Variants in SAMD4A observed in about 807,000 individuals in gnomAD.
SAMD4A encodes the protein protein Smaug homolog 1.
In SAMD4A, 33 loss-of-function variants were observed where a neutral mutation model predicts 81.3. The observed-to-expected ratio is 0.41, with a 90% confidence interval of 0.31 to 0.54. The LOEUF is 0.54. SAMD4A is among the 20% of genes least tolerant of loss of function. The probability of loss-of-function intolerance (pLI) is 0.37; values close to 1 mark genes in which losing one functional copy is unlikely to be tolerated. For synonymous variants in SAMD4A, 389 were observed against 382.1 expected (o/e 1.02, Z -0.21); for missense variants, 854 against 951.1 (o/e 0.90, Z 1.34).
At chr14:54,773,777 T>C (rs2038766637) in intron 9 of SAMD4A, among the ~76,000 whole-genome samples, 1 of 152,200 alleles carries the variant, frequency 6.6e-6, no homozygotes, top group African/African-American at 2.4e-5. Flanking sequence ...GCCCCACAGG[T>C]GGCATCAGCT....
intron 2 of SAMD4A, among the ~76,000 whole-genome samples, chr14:54,640,258 T>C (rs2035143454): frequency 6.6e-6 from 1 of 152,222 alleles, no homozygotes; most frequent in Admixed American, 6.5e-5. Flanking sequence ...AGTTTCGTGC[T>C]ATGAGATTTT....
intron 3 of SAMD4A, chr14:54,735,025 T>G (rs916843800): frequency 6.6e-6 from 1 of 152,238 alleles, no homozygotes; most frequent in Non-Finnish European, 1.5e-5. Context: ...ATCCACCAGA[T>G]AGTCTGAAAC....
chr14:54,596,324 C>G (rs1210406770), intron 2 of SAMD4A, among the ~76,000 whole-genome samples: 1 of 152,188 alleles, frequency 6.6e-6, no homozygotes, highest in Non-Finnish European at 1.5e-5. Flanking sequence ...GTGGCTCATG[C>G]CTGTAATCCC....
In SAMD4A at chr14:54,573,811, C is replaced by T. The variant is rs564384957; in HGVS notation, c.196+5699C>T. 7.2e-5 allele frequency among the ~76,000 whole-genome samples: 11 copies of T among 152,278 alleles called. No individual in the cohort carries two copies. The South Asian group carries it at 1.5e-3, about 20-fold the overall frequency. On this transcript the variant is annotated intron_variant, in intron 2 of 12. Coordinates refer to ENST00000554335, the MANE Select transcript of SAMD4A (RefSeq NM_015589.6). ...AACTTTTAGAACAGGGGCCTAGAGT[C>T]GAGGCTTGGGCCTTGCTCTGCTGCC...
intron 4 of SAMD4A, among the ~76,000 whole-genome samples, chr14:54,740,331 T>G (rs1263824549): frequency 6.6e-6 from 1 of 152,228 alleles, no homozygotes; most frequent in African/African-American, 2.4e-5. Context: ...TACTTGCTGG[T>G]CCACTTTGGG....
At chr14:54,660,705 C>G (rs769607369) in intron 2 of SAMD4A, among the ~76,000 whole-genome samples, 14 of 152,192 alleles carry the variant, frequency 9.2e-5, no homozygotes, top group Non-Finnish European at 1.5e-4. Context: ...GAGAGACTGT[C>G]TAGAATCTGA....
chr14:54,598,503 T>C (rs1448840740), intron 2 of SAMD4A, among the ~76,000 whole-genome samples: 1 of 152,216 alleles, frequency 6.6e-6, no homozygotes, highest in South Asian at 2.1e-4. Flanking sequence ...AAGAATTTAG[T>C]TTTGTCCCAA....
intron 9 of SAMD4A, 61 bp downstream of exon 9, chr14:54,770,283 C>A: frequency 1.7e-6 from 2 of 1,165,198 alleles, no homozygotes; most frequent in Non-Finnish European, 2.5e-6. Flanking sequence ...TGTTGCCTAC[C>A]TCGGTTCCTG....
At chr14:54,679,778 G>A (rs1001517551) in intron 2 of SAMD4A, among the ~76,000 whole-genome samples, 1 of 152,150 alleles carries the variant, frequency 6.6e-6, no homozygotes, top group African/African-American at 2.4e-5. Context: ...CTGCAATTGG[G>A]AGACAACTCT....
intron 3 of SAMD4A, among the ~76,000 whole-genome samples, chr14:54,736,644 T>G (rs146910449): frequency 4.6e-5 from 7 of 152,354 alleles, no homozygotes; most frequent in Admixed American, 6.5e-5. Flanking sequence ...GCAACAAACT[T>G]GTCCAGTACA....
At chr14:54,713,048 G>A (rs79511923) in intron 3 of SAMD4A, among the ~76,000 whole-genome samples, 2,679 of 152,214 alleles carry the variant, frequency 0.018, 31 homozygotes, top group Non-Finnish European at 0.027. Context: ...TAGAGTCATA[G>A]ACTAACTATA....
intron 7 of SAMD4A, among the ~76,000 whole-genome samples, chr14:54,761,491 A>G (rs2038397311): frequency 6.6e-6 from 1 of 152,210 alleles, no homozygotes; most frequent in African/African-American, 2.4e-5. Context: ...CAGACTTTGT[A>G]TCTTTGAGTT....
At chr14:54,604,832 C>A (rs1049351515) in intron 2 of SAMD4A, among the ~76,000 whole-genome samples, 1 of 152,180 alleles carries the variant, frequency 6.6e-6, no homozygotes, top group African/African-American at 2.4e-5. Flanking sequence ...TGCCCCTGTG[C>A]CTACCACCCA....
At chr14:54,634,735 G>A (rs376199242) in intron 2 of SAMD4A, among the ~76,000 whole-genome samples, 4 of 139,178 alleles carry the variant, frequency 2.9e-5, no homozygotes, top group African/African-American at 9.1e-5. Flanking sequence ...CTGTCTGTCT[G>A]TCTGTCTGTC....
intron 2 of SAMD4A, among the ~76,000 whole-genome samples, chr14:54,569,208 T>A (rs773837334): frequency 3.3e-5 from 5 of 152,162 alleles, no homozygotes; most frequent in Non-Finnish European, 7.4e-5. Flanking sequence ...GGGCTGCCAT[T>A]TGATGACAAG....
intron 2 of SAMD4A, among the ~76,000 whole-genome samples, chr14:54,585,629 A>G (rs760515893): frequency 3.3e-5 from 5 of 152,062 alleles, no homozygotes; most frequent in Non-Finnish European, 4.4e-5. Context: ...AGTCCATTAT[A>G]TCATTCTTAT....
chr14:54,666,487 C>T (rs774700841), intron 2 of SAMD4A, among the ~76,000 whole-genome samples: 14 of 152,114 alleles, frequency 9.2e-5, no homozygotes, highest in Non-Finnish European at 1.9e-4. Context: ...ATTTCATGTC[C>T]TGCAAACACG....
chr14:54,614,242 T>C (rs1594736369), intron 2 of SAMD4A, among the ~76,000 whole-genome samples: 3 of 152,362 alleles, frequency 2.0e-5, no homozygotes, highest in African/African-American at 7.2e-5. Context: ...ATAAAACATG[T>C]AATTTATGTT....
chr14:54,705,667 T>G (rs567305784), intron 3 of SAMD4A, among the ~76,000 whole-genome samples: 19 of 152,198 alleles, frequency 1.2e-4, no homozygotes, highest in Non-Finnish European at 2.2e-4. Flanking sequence ...GCCTTAGCAT[T>G]CGTGGCTTCC....
Sources: allele counts gnomAD v4.1 joint callset (sites outside exome capture counted in the v4.1 genomes callset), GRCh38; gene constraint gnomAD v4.1.1; transcripts MANE v1.5; gene names NCBI Gene and HGNC (gene_info 2026-07-23, HGNC 2026-07-21).